AKR1C1: variants seen among roughly 807,000 people sequenced by gnomAD.
The protein encoded by AKR1C1 is aldo-keto reductase family 1 member C1, also known as 20 alpha-hydroxysteroid dehydrogenase.
A neutral mutation model predicts 40.6 loss-of-function variants in AKR1C1; 32 were observed. The ratio of observed to expected loss-of-function variants is 0.79; its 90% CI spans 0.60 to 1.06. The LOEUF (loss-of-function observed/expected upper bound fraction) is 1.06. Ranked by LOEUF, AKR1C1 falls within the 50% of genes least tolerant of loss-of-function variation. The pLI, the probability that AKR1C1 is intolerant of heterozygous loss-of-function variation, is 0.00. For missense variants in AKR1C1, 320 were observed against 363.5 expected (o/e 0.88, Z 0.97); for synonymous variants, 105 against 134.2 (o/e 0.78, Z 1.50).
At chr10:4,966,802 G>C (rs1018953439) in intron 2 of AKR1C1, 125 bp from the exon 3 acceptor site, 1 of 732,216 alleles carries the variant, frequency 1.4e-6, no homozygotes, top group Admixed American at 2.7e-5. Flanking sequence ...CAAGAAGAGA[G>C]AGAATAATTT....
intron 8 of AKR1C1, among the ~76,000 whole-genome samples, chr10:4,976,417 C>A (rs1445093668): frequency 6.6e-6 from 1 of 151,960 alleles, no homozygotes; most frequent in African/African-American, 2.4e-5. Context: ...TGGATCCTGT[C>A]GATTTAGCAT....
rs1588568179 is a variant in AKR1C1 at position 4,981,573 on chromosome 10, A to G, written c.*3831A>G. ...TTTCAAGAACCAATGCAGAGACTTA[A>G]CAGATATATGAAAAAATTTCACATA... On this transcript the variant is annotated 3_prime_UTR_variant, in exon 9 of 9. Coordinates refer to ENST00000380872, the MANE Select transcript of AKR1C1 (RefSeq NM_001353.6). 5 of 152,110 alleles carry G rather than the reference A, an allele frequency of 3.3e-5. No homozygotes were observed. The South Asian group carries it at 1.0e-3, about 32-fold the overall frequency. The allele number at this position is 152,110 out of a possible 1,614,324, so 9.4% of individuals were successfully genotyped here.
chr10:4,967,462 G>T (rs1836350668), intron 3 of AKR1C1: 1 of 994,154 alleles, frequency 1.0e-6, no homozygotes, highest in Admixed American at 5.8e-5. Context: ...CGAGAACTCA[G>T]TCCGGGAGTG....
chr10:4,973,008 C>G (rs1836463848), intron 7 of AKR1C1, among the ~76,000 whole-genome samples: 2 of 152,288 alleles, frequency 1.3e-5, no homozygotes, highest in African/African-American at 4.8e-5. Context: ...CTGCTGGGGC[C>G]ATGTCCTTTT....
At chr10:4,965,254 CT>C (rs1333423522) in intron 1 of AKR1C1, among the ~76,000 whole-genome samples, 1 of 151,978 alleles carries the variant, frequency 6.6e-6, no homozygotes, top group African/African-American at 2.4e-5. Flanking sequence ...GTGTTAATTT[CT>C]TTTTTTGTTT....
At chr10:4,972,519 A>G in intron 6 of AKR1C1, 65 bp from the exon 7 acceptor site, 1 of 1,610,416 alleles carries the variant, frequency 6.2e-7, no homozygotes, top group Non-Finnish European at 8.5e-7. Context: ...TAGTCTGTTT[A>G]GGGAGCCGCC....
intron 5 of AKR1C1, 144 bp downstream of exon 5, chr10:4,969,088 G>T (rs1836382507): frequency 2.0e-6 from 3 of 1,507,304 alleles, no homozygotes; most frequent in Middle Eastern, 1.8e-4. Context: ...AGGGCATAGA[G>T]GGATCTTACT....
chr10:4,973,345 C>G (rs1836469587), intron 7 of AKR1C1, among the ~76,000 whole-genome samples: 2 of 152,138 alleles, frequency 1.3e-5, no homozygotes, highest in South Asian at 4.1e-4. Flanking sequence ...TAAACTCAGT[C>G]CATTCCTTCT....
chr10:4,977,107 A>G (rs1335255719), intron 8 of AKR1C1, among the ~76,000 whole-genome samples: 1 of 152,248 alleles, frequency 6.6e-6, no homozygotes, highest in Admixed American at 6.5e-5. Flanking sequence ...ACATGTGAGC[A>G]GTCATTTATC....
chr10:4,977,192 A>G, intron 8 of AKR1C1, among the ~76,000 whole-genome samples: 1 of 152,264 alleles, frequency 6.6e-6, no homozygotes, highest in East Asian at 1.9e-4. Context: ...ATTGGACCCT[A>G]TATCAAAAAC....
intron 3 of AKR1C1, chr10:4,967,882 G>C (rs1836356555): frequency 1.1e-5 from 2 of 187,996 alleles, no homozygotes; most frequent in Admixed American, 5.6e-5. Context: ...GACCATGATT[G>C]GTTCATGGTC....
At chr10:4,974,438 T>C (rs1554770257) in intron 7 of AKR1C1, among the ~76,000 whole-genome samples, 2 of 152,086 alleles carry the variant, frequency 1.3e-5, no homozygotes, top group Admixed American at 6.5e-5. Flanking sequence ...CTATCCTTCA[T>C]GTAGACTAAT....
rs557216908 is a variant in AKR1C1, at chr10:4,966,895, A to G, written c.253-32A>G. 5 of 1,580,396 alleles carry G rather than the reference A, an allele frequency of 3.2e-6. No individual in the cohort carries two copies. The African/African-American group carries it at 4.1e-5, about 13-fold the overall frequency. On this transcript the variant is annotated intron_variant, in intron 2 of 8. Coordinates refer to ENST00000380872, the MANE Select transcript of AKR1C1 (RefSeq NM_001353.6). ...ACTAGTAAAATTGGCTCAAGTTTTC[A>G]TTACACAACTTCCTTTCTCTAACCT...
intron 1 of AKR1C1, chr10:4,963,978 G>C: frequency 1.3e-6 from 1 of 744,276 alleles, no homozygotes; most frequent in Middle Eastern, 3.5e-4. Context: ...TGTAATACTA[G>C]ACCTGGCCTA....
Position 4,977,802 on chromosome 10 carries a change from G to A in AKR1C1, c.*60G>A, listed in dbSNP as rs1192417140. 1.8e-5 allele frequency: 26 copies of A among 1,480,880 alleles called. No individual in the cohort carries two copies. Among genetic ancestry groups the A allele is most frequent in the Non-Finnish European group, 1.9e-5 (20 of 1,065,638 alleles). The allele number at this position is 1,480,880 out of a possible 1,614,324, so 91.7% of individuals were successfully genotyped here. A position where few individuals can be genotyped will look rare whatever the true frequency, so the allele number is the denominator to read the frequency against. ...CCTGCGTGTGGATGGTGACACAGAG[G>A]ATGGCTCTATGCTGGTGACTGGACA... On this transcript the variant is annotated 3_prime_UTR_variant, in exon 9 of 9. Coordinates refer to ENST00000380872, the MANE Select transcript of AKR1C1 (RefSeq NM_001353.6).
chr10:4,978,589 A>C lies in AKR1C1; in HGVS notation c.*847A>C, dbSNP rs117997324. 4 of 152,188 alleles carry C rather than the reference A, an allele frequency of 2.6e-5. No homozygotes were observed. Among genetic ancestry groups the C allele is most frequent in the Admixed American group, 2.6e-4 (4 of 15,272 alleles). The allele number at this position is 152,188 out of a possible 1,614,324, so 9.4% of individuals were successfully genotyped here. ...ATTGACTAATCACATTCCCCTGAATAGCTCATATTTAGAAAATATTCTTAG... is the reference window on the plus strand; with the variant it reads ...ATTGACTAATCACATTCCCCTGAATCGCTCATATTTAGAAAATATTCTTAG... On this transcript the variant is annotated 3_prime_UTR_variant, in exon 9 of 9. Coordinates refer to ENST00000380872, the MANE Select transcript of AKR1C1 (RefSeq NM_001353.6).
At chr10:4,970,571 C>A (rs1554769736) in intron 5 of AKR1C1, among the ~76,000 whole-genome samples, 1 of 151,840 alleles carries the variant, frequency 6.6e-6, no homozygotes, top group Admixed American at 6.5e-5. Context: ...TAAGCTCCAA[C>A]AATGATAGAC....
At chr10:4,969,250 G>A (rs1366975018) in intron 5 of AKR1C1, among the ~76,000 whole-genome samples, 1 of 152,188 alleles carries the variant, frequency 6.6e-6, no homozygotes, top group Non-Finnish European at 1.5e-5. Context: ...TATGAAAGAT[G>A]ACCAGAGAAT....
intron 8 of AKR1C1, among the ~76,000 whole-genome samples, 196 bp downstream of exon 8, chr10:4,976,129 T>C (rs1487781461): frequency 1.3e-5 from 2 of 148,794 alleles, no homozygotes; most frequent in Admixed American, 1.3e-4. Flanking sequence ...GGGGTCAGCA[T>C]GGGTCAACCT....
Sources: gnomAD v4.1 joint callset for allele counts (sites outside exome capture counted in the v4.1 genomes callset) on GRCh38, gnomAD v4.1.1 for gene constraint, MANE v1.5 for transcripts, NCBI Gene and HGNC (gene_info 2026-07-23, HGNC 2026-07-21) for gene names.